UEVLD: variants seen among roughly 807,000 people sequenced by gnomAD.
UEVLD encodes the protein ubiquitin-conjugating enzyme E2 variant 3.
Under a neutral mutation model 58.6 loss-of-function variants are expected in UEVLD, and 47 were observed. The observed-to-expected ratio is 0.80, with a 90% CI of 0.63 to 1.02. UEVLD has a LOEUF of 1.02. Ranked by LOEUF, UEVLD falls within the 50% of genes least tolerant of loss-of-function variation. UEVLD has a pLI of 0.00. For missense variants in UEVLD, 510 were observed against 550.6 expected, an observed-to-expected ratio of 0.93 and a Z score of 0.74; for synonymous variants, 197 against 195.3, an observed-to-expected ratio of 1.01 and a Z score of -0.07.
At chr11:18,540,959 C>T (rs192407133) in intron 9 of UEVLD, among the ~76,000 whole-genome samples, 6 of 152,210 alleles carry the variant, frequency 3.9e-5, no homozygotes, top group Admixed American at 2.6e-4. Flanking sequence ...TAAATTCCTA[C>T]ATTTGGGATA....
At chr11:18,583,113 AG>A (rs1438711936) in intron 1 of UEVLD, among the ~76,000 whole-genome samples, 1 of 151,668 alleles carries the variant, frequency 6.6e-6, no homozygotes, top group African/African-American at 2.4e-5. Context: ...TAGTAGAAAC[AG>A]GGTTTCACCA....
rs187681173 is a variant in UEVLD at position 18,537,070 on chromosome 11, G to A, written c.1061-601C>T. On this transcript the variant is annotated intron_variant, in intron 9 of 11. Coordinates refer to ENST00000396197, the MANE Select transcript of UEVLD (RefSeq NM_001040697.4). Reference sequence around the variant, plus strand: ...GCCACCATGCCCTGCTAATTTTTGTGTGTGTGTGTTTAGTAGAGACAGGGT... The same window carrying A: ...GCCACCATGCCCTGCTAATTTTTGTATGTGTGTGTTTAGTAGAGACAGGGT... 1.0e-4 allele frequency among the ~76,000 whole-genome samples: 15 copies of A among 150,680 alleles called. No individual in the cohort carries two copies. The East Asian group carries it at 3.0e-3, about 30-fold the overall frequency.
At position 18,536,437 on chromosome 11, in the gene UEVLD, T is replaced by A. The variant is rs1456138003; in HGVS notation, c.1093A>T (p.Ser365Cys). Residue 365 changes from serine (S) to cysteine (C), a missense_variant, in exon 10 of 12, where the codon AGT (serine) becomes TGT (cysteine). By Grantham distance (112) the Ser-to-Cys change is moderately radical. Coordinates refer to ENST00000396197, the MANE Select transcript of UEVLD (RefSeq NM_001040697.4). ...GACAGCTGCACTTGAGAGGTATGACTCACTACTTCTTCTTGGCCACTCCAT... is the reference window on the plus strand; with the variant it reads ...GACAGCTGCACTTGAGAGGTATGACACACTACTTCTTCTTGGCCACTCCAT... ...LTWSGQEEVV[S>C]HTSQVQLSNR... The A allele has an allele frequency of 4.3e-6, 7 of 1,613,936 alleles. No individual in the cohort carries two copies. The highest frequency in any genetic ancestry group is 3.3e-4 in the Middle Eastern group (2 of 6,062).
intron 7 of UEVLD, among the ~76,000 whole-genome samples, chr11:18,557,192 G>A (rs890167271): frequency 4.0e-5 from 6 of 151,208 alleles, no homozygotes; most frequent in Non-Finnish European, 8.8e-5. Flanking sequence ...TCACTCTGTC[G>A]CCCAGGCTGG....
chr11:18,565,245 T>A (rs894380723), intron 5 of UEVLD, among the ~76,000 whole-genome samples: 5 of 152,170 alleles, frequency 3.3e-5, no homozygotes, highest in African/African-American at 4.8e-5. Context: ...TAAACATTTT[T>A]AAAATATTGT....
intron 1 of UEVLD, among the ~76,000 whole-genome samples, chr11:18,580,794 T>C (rs954047642): frequency 9.9e-5 from 15 of 151,470 alleles, no homozygotes; most frequent in African/African-American, 3.6e-4. Flanking sequence ...ATTGTGGGAG[T>C]TTGGGAGAAA....
At chr11:18,584,149 A>G (rs576687578) in intron 1 of UEVLD, among the ~76,000 whole-genome samples, 14 of 152,284 alleles carry the variant, frequency 9.2e-5, no homozygotes, top group African/African-American at 3.4e-4. Flanking sequence ...ACAGTCAAGG[A>G]CAAAGGATCA....
chr11:18,549,244 G>A (rs72876784), intron 7 of UEVLD, among the ~76,000 whole-genome samples: 15,932 of 152,196 alleles, frequency 0.1, 825 homozygotes, highest in Middle Eastern at 0.13. Flanking sequence ...AAACTGTTAT[G>A]TGGAGAGGTT....
intron 7 of UEVLD, among the ~76,000 whole-genome samples, chr11:18,557,090 CAAA>C (rs550382014): frequency 2.4e-4 from 20 of 83,278 alleles, no homozygotes; most frequent in Admixed American, 3.7e-4. Context: ...AACCCCGACT[CAAA>C]AAAAAAAAAA....
At chr11:18,552,938 G>A (rs1590332615) in intron 7 of UEVLD, among the ~76,000 whole-genome samples, 1 of 151,836 alleles carries the variant, frequency 6.6e-6, no homozygotes, top group Middle Eastern at 3.2e-3. Context: ...GGTGGATCAC[G>A]AGGTCAGCAG....
At chr11:18,586,782 G>T (rs1853582255) in intron 1 of UEVLD, among the ~76,000 whole-genome samples, 1 of 152,092 alleles carries the variant, frequency 6.6e-6, no homozygotes, top group Non-Finnish European at 1.5e-5. Context: ...TTTCTGATTG[G>T]TTTCCTTAAT....
At chr11:18,544,817 A>G in intron 8 of UEVLD, 21 bp from the exon 9 acceptor site, 1 of 1,499,720 alleles carries the variant, frequency 6.7e-7, no homozygotes, top group Non-Finnish European at 8.8e-7. Flanking sequence ...CATACAAGGT[A>G]AAAAATGTAA....
chr11:18,567,672 C>T (rs1852366140), intron 4 of UEVLD, among the ~76,000 whole-genome samples: 1 of 152,158 alleles, frequency 6.6e-6, no homozygotes, highest in Non-Finnish European at 1.5e-5. Flanking sequence ...AGGCCTAACG[C>T]GGCCCTCTGA....
At chr11:18,576,873 G>A (rs139179564) in intron 2 of UEVLD, among the ~76,000 whole-genome samples, 14 of 152,258 alleles carry the variant, frequency 9.2e-5, no homozygotes, top group Admixed American at 7.2e-4. Context: ...TGCTCGGGGC[G>A]ACTGATTTGA....
intron 1 of UEVLD, among the ~76,000 whole-genome samples, chr11:18,580,035 CTTTTTTTTTTTT>C (rs140542993): frequency 1.2e-5 from 1 of 85,414 alleles, no homozygotes; most frequent in Non-Finnish European, 2.2e-5. Context: ...TCCCAGCTGG[CTTTTTTTTTTTT>C]TTTTTTTTTT....
intron 6 of UEVLD, among the ~76,000 whole-genome samples, chr11:18,564,452 A>T (rs1852194951): frequency 6.6e-6 from 1 of 152,174 alleles, no homozygotes; most frequent in African/African-American, 2.4e-5. Context: ...GATGAAAAAA[A>T]CAAACCCTAA....
chr11:18,569,721 A>T (rs1455261444), intron 4 of UEVLD, among the ~76,000 whole-genome samples: 1 of 152,242 alleles, frequency 6.6e-6, no homozygotes, highest in Non-Finnish European at 1.5e-5. Flanking sequence ...ACATAACATG[A>T]GGACATAAAA....
intron 1 of UEVLD, chr11:18,587,587 G>A (rs11024726): frequency 0.11 from 16,898 of 152,148 alleles, 1,216 homozygotes; most frequent in South Asian, 0.23. Context: ...TGGATCACTT[G>A]AGGTCAAGAG....
At chr11:18,537,481 C>T (rs887227501) in intron 9 of UEVLD, among the ~76,000 whole-genome samples, 5 of 151,462 alleles carry the variant, frequency 3.3e-5, no homozygotes, top group African/African-American at 1.2e-4. Flanking sequence ...CAGGCACCCG[C>T]CACCACACCT....
Sources: allele counts gnomAD v4.1 joint callset (sites outside exome capture counted in the v4.1 genomes callset), GRCh38; gene constraint gnomAD v4.1.1; transcripts MANE v1.5; gene names NCBI Gene and HGNC (gene_info 2026-07-23, HGNC 2026-07-21).